The following DPF3 variants were observed in gnomAD, a reference collection of about 807,000 sequenced individuals.
DPF3 encodes double PHD fingers 3.
In DPF3, 18 loss-of-function variants were observed where a neutral mutation model predicts 56.8. The ratio of observed to expected loss-of-function variants is 0.32; its 90% CI spans 0.22 to 0.47. The LOEUF (loss-of-function observed/expected upper bound fraction) is 0.47, where lower values mean the gene tolerates loss of function less well. Among genes scored for constraint, DPF3 ranks in the 20% least tolerant of loss-of-function variants. The probability of loss-of-function intolerance (pLI) is 1.00; values close to 1 mark genes in which losing one functional copy is unlikely to be tolerated. For missense variants in DPF3, 403 were observed against 488.8 expected (o/e 0.82, Z 1.65); for synonymous variants, 188 against 180.2 (o/e 1.04, Z -0.35).
At chr14:72,885,464 C>T (rs1020146421) in intron 1 of DPF3, among the ~76,000 whole-genome samples, 6 of 151,914 alleles carry the variant, frequency 3.9e-5, no homozygotes, top group Non-Finnish European at 2.9e-5. Flanking sequence ...AGTACAGTAG[C>T]GTGATCACAG....
intron 1 of DPF3, among the ~76,000 whole-genome samples, chr14:72,816,766 T>C (rs956212922): frequency 1.3e-4 from 20 of 152,210 alleles, no homozygotes; most frequent in Non-Finnish European, 2.8e-4. Context: ...AAGTGAATAA[T>C]TGTCATTACT....
At chr14:72,749,389 A>G (rs1890462708) in intron 3 of DPF3, among the ~76,000 whole-genome samples, 1 of 152,216 alleles carries the variant, frequency 6.6e-6, no homozygotes. Flanking sequence ...GGAAGTAACT[A>G]ACTTGCTTCT....
intron 7 of DPF3, among the ~76,000 whole-genome samples, chr14:72,687,037 T>C (rs1484715932): frequency 1.3e-5 from 2 of 152,226 alleles, no homozygotes; most frequent in Non-Finnish European, 2.9e-5. Context: ...TTTAGATAAT[T>C]TGCACATTAT....
intron 1 of DPF3, among the ~76,000 whole-genome samples, chr14:72,833,823 C>A (rs531474346): frequency 3.9e-5 from 6 of 152,290 alleles, no homozygotes; most frequent in African/African-American, 1.4e-4. Flanking sequence ...AGAAAACATA[C>A]AAATGGCCAA....
chr14:72,748,823 G>A (rs1389594142), intron 3 of DPF3, among the ~76,000 whole-genome samples: 1 of 152,200 alleles, frequency 6.6e-6, no homozygotes, highest in East Asian at 1.9e-4. Flanking sequence ...GAGCCTGTGA[G>A]TACACAGAAG....
intron 7 of DPF3, among the ~76,000 whole-genome samples, chr14:72,687,437 GTTAT>G (rs1016505586): frequency 2.0e-5 from 3 of 152,170 alleles, no homozygotes; most frequent in Non-Finnish European, 2.9e-5. Context: ...TGTTTTTTAA[GTTAT>G]TTGTTTTTGC....
chr14:72,731,271 C>G (rs967024562), intron 4 of DPF3: 4 of 155,172 alleles, frequency 2.6e-5, no homozygotes, highest in African/African-American at 9.7e-5. Flanking sequence ...GGGTAGTGGA[C>G]CCATGGGGAC....
chr14:72,766,803 C>A (rs1891305679), intron 2 of DPF3, among the ~76,000 whole-genome samples: 1 of 152,164 alleles, frequency 6.6e-6, no homozygotes, highest in Non-Finnish European at 1.5e-5. Flanking sequence ...TCTGGAAAAG[C>A]TGATAACCCA....
intron 1 of DPF3, among the ~76,000 whole-genome samples, chr14:72,865,884 T>C (rs1885643204): frequency 6.6e-6 from 1 of 152,014 alleles, no homozygotes; most frequent in Non-Finnish European, 1.5e-5. Context: ...CCGTCTCTAC[T>C]AAAAACACAA....
At chr14:72,760,681 A>C (rs1023963890) in intron 2 of DPF3, among the ~76,000 whole-genome samples, 1 of 152,172 alleles carries the variant, frequency 6.6e-6, no homozygotes, top group African/African-American at 2.4e-5. Context: ...CAATCACTAA[A>C]ATAACAACAA....
chr14:72,714,540 G>A, intron 5 of DPF3, 39 bp from the exon 6 acceptor site: 2 of 1,610,564 alleles, frequency 1.2e-6, no homozygotes, highest in South Asian at 1.1e-5. Context: ...TGTTACCATG[G>A]TCATCACTAC....
chr14:72,699,626 C>T (rs1888074695), intron 6 of DPF3, among the ~76,000 whole-genome samples: 1 of 151,850 alleles, frequency 6.6e-6, no homozygotes, highest in Admixed American at 6.6e-5. Flanking sequence ...ACAATGACAC[C>T]ACCAGTCACA....
chr14:72,737,815 G>A (rs1410251480), intron 3 of DPF3, among the ~76,000 whole-genome samples: 1 of 152,130 alleles, frequency 6.6e-6, no homozygotes, highest in East Asian at 1.9e-4. Flanking sequence ...GCAGGGGCCT[G>A]GAGATAGAGT....
chr14:72,869,492 C>T (rs554267082), intron 1 of DPF3, among the ~76,000 whole-genome samples: 42 of 152,264 alleles, frequency 2.8e-4, no homozygotes, highest in African/African-American at 9.4e-4. Flanking sequence ...ATTCATAATG[C>T]AAATGACAGG....
chr14:72,842,362 A>G (rs1160113912), intron 1 of DPF3, among the ~76,000 whole-genome samples: 1 of 152,232 alleles, frequency 6.6e-6, no homozygotes, highest in Non-Finnish European at 1.5e-5. Flanking sequence ...AAAATAAATC[A>G]TGGTGAATTT....
intron 2 of DPF3, among the ~76,000 whole-genome samples, chr14:72,757,546 A>T (rs1218883497): frequency 6.6e-6 from 1 of 152,142 alleles, no homozygotes; most frequent in Non-Finnish European, 1.5e-5. Context: ...GAGTTGTAGG[A>T]AAGAGTTAGT....
chr14:72,687,733 C>G (rs942087994), intron 7 of DPF3, among the ~76,000 whole-genome samples: 2 of 152,184 alleles, frequency 1.3e-5, no homozygotes, highest in African/African-American at 4.8e-5. Flanking sequence ...TGAATGTCAC[C>G]TCTTCGGTGA....
At chr14:72,669,310 C>A (rs1178298115) in intron 8 of DPF3, among the ~76,000 whole-genome samples, 3 of 152,194 alleles carry the variant, frequency 2.0e-5, no homozygotes, top group African/African-American at 7.2e-5. Context: ...GTTAACCAGG[C>A]AGCTACTTGG....
intron 6 of DPF3, among the ~76,000 whole-genome samples, chr14:72,705,144 TA>T (rs1377892584): frequency 1.4e-4 from 21 of 152,300 alleles, no homozygotes; most frequent in African/African-American, 5.1e-4. Flanking sequence ...ACTTCATCTG[TA>T]TTTACAGCTG....
Sources: allele counts gnomAD v4.1 joint callset (sites outside exome capture counted in the v4.1 genomes callset), GRCh38; gene constraint gnomAD v4.1.1; transcripts MANE v1.5; gene names NCBI Gene and HGNC (gene_info 2026-07-23, HGNC 2026-07-21).